RAB6A: variants seen among roughly 807,000 people sequenced by gnomAD.
The protein encoded by RAB6A is RAB6A, member RAS oncogene family.
In RAB6A, 8 loss-of-function variants were observed where a neutral mutation model predicts 32.3. That is an observed-to-expected ratio of 0.25 (90% CI 0.15 to 0.45). The LOEUF is 0.45. RAB6A is among the 20% of genes least tolerant of loss of function. The pLI, the probability that RAB6A is intolerant of heterozygous loss-of-function variation, is 1.00. For missense variants in RAB6A, 104 were observed against 249.4 expected (o/e 0.42, Z 3.93); for synonymous variants, 73 against 82.1 (o/e 0.89, Z 0.60).
chr11:73,736,731 A>G (rs1240989309), intron 1 of RAB6A, among the ~76,000 whole-genome samples: 4 of 146,474 alleles, frequency 2.7e-5, no homozygotes, highest in Non-Finnish European at 4.5e-5. Context: ...GGCAAAGGTT[A>G]CAGTGAGCCA....
chr11:73,744,511 C>CAAAAAAAAA (rs555388622), intron 1 of RAB6A, among the ~76,000 whole-genome samples: 11 of 63,748 alleles, frequency 1.7e-4, no homozygotes, highest in African/African-American at 7.3e-4. Flanking sequence ...ACCCTGTCTC[C>CAAAAAAAAA]AAAAAAAAAA....
chr11:73,729,130 ACT>A (rs1946267531), intron 2 of RAB6A, among the ~76,000 whole-genome samples: 1 of 151,906 alleles, frequency 6.6e-6, no homozygotes, highest in African/African-American at 2.4e-5. Flanking sequence ...ATGGAGTCTC[ACT>A]CTGTCACCCA....
intron 6 of RAB6A, among the ~76,000 whole-genome samples, chr11:73,692,076 C>A (rs1945575511): frequency 6.6e-6 from 1 of 152,138 alleles, no homozygotes; most frequent in South Asian, 2.1e-4. Context: ...CAGATTAATT[C>A]TTTGGGTATA....
rs534365346 is a variant in RAB6A at position 73,738,917 on chromosome 11, T to C, written c.71-8094A>G. On this transcript the variant is annotated intron_variant, in intron 1 of 7. Transcript: ENST00000336083. ...CAAGACTGCGCCACTGCACTCCAGC[T>C]TGGGCAACAGAGTGAGACTCCTGTC... is the stretch of plus-strand genomic sequence containing the variant. Among the ~76,000 whole-genome samples the C allele has an allele frequency of 1.3e-4, 19 of 151,418 alleles. No individual in the cohort carries two copies. In the South Asian group the frequency reaches 3.8e-3, roughly 30 times the overall value.
chr11:73,732,353 G>A (rs761686177), intron 1 of RAB6A, among the ~76,000 whole-genome samples: 15 of 152,008 alleles, frequency 9.9e-5, no homozygotes, highest in Admixed American at 2.6e-4. Context: ...TTGGGAGGCC[G>A]AGGCGGGCGG....
Position 73,677,803 on chromosome 11 carries a change from A to G in RAB6A, c.*95T>C. Reference sequence around the variant, plus strand: ...ATTGCAATACGTTATTACTGAAGGGAAAAGGTTCAAGCCAATATTCACACT... The same window carrying G: ...ATTGCAATACGTTATTACTGAAGGGGAAAGGTTCAAGCCAATATTCACACT... On this transcript the variant is annotated 3_prime_UTR_variant, in exon 8 of 8. Coordinates refer to ENST00000336083, the MANE Select transcript of RAB6A (RefSeq NM_198896.2). 1 of 1,593,776 alleles carries G rather than the reference A, an allele frequency of 6.3e-7. No homozygotes were observed. The highest frequency in any genetic ancestry group is 8.6e-7 in the Non-Finnish European group (1 of 1,163,774).
chr11:73,750,488 T>TCCA (rs1946656447), intron 1 of RAB6A, among the ~76,000 whole-genome samples: 1 of 152,104 alleles, frequency 6.6e-6, no homozygotes, highest in Admixed American at 6.6e-5. Context: ...CCAGGGCAGC[T>TCCA]GGGATTATAG....
At chr11:73,679,784 T>A in intron 6 of RAB6A, 64 bp from the exon 7 acceptor site, 1 of 1,594,830 alleles carries the variant, frequency 6.3e-7, no homozygotes, top group Non-Finnish European at 8.6e-7. Flanking sequence ...CTGAGGTTTA[T>A]GATCACTGTA....
chr11:73,741,230 G>A (rs146729174), intron 1 of RAB6A, among the ~76,000 whole-genome samples: 9,161 of 150,106 alleles, frequency 0.061, 377 homozygotes, highest in East Asian at 0.18. Flanking sequence ...TCCACCTCCC[G>A]GGTTCACGCC....
chr11:73,714,209 A>AAAAAATATAT (rs35864471), intron 5 of RAB6A, among the ~76,000 whole-genome samples: 12 of 57,574 alleles, frequency 2.1e-4, no homozygotes, highest in Non-Finnish European at 3.4e-4. Context: ...AAAAAAAAAA[A>AAAAAATATAT]ATATATATAT....
intron 7 of RAB6A, among the ~76,000 whole-genome samples, chr11:73,678,705 ATGTTT>A (rs1945305496): frequency 6.9e-6 from 1 of 144,746 alleles, no homozygotes; most frequent in Admixed American, 6.9e-5. Context: ...GAAACATATT[ATGTTT>A]TATGTTGTTG....
intron 5 of RAB6A, among the ~76,000 whole-genome samples, chr11:73,709,838 T>C (rs1371777511): frequency 1.6e-5 from 1 of 63,286 alleles, no homozygotes; most frequent in Non-Finnish European, 3.3e-5. Context: ...TATACATATA[T>C]ACACATATAT....
intron 6 of RAB6A, among the ~76,000 whole-genome samples, chr11:73,699,419 A>G (rs1312324902): frequency 6.6e-6 from 1 of 152,026 alleles, no homozygotes; most frequent in Non-Finnish European, 1.5e-5. Flanking sequence ...CAGACACTCA[A>G]CCAGAGCTAG....
chr11:73,754,366 A>G (rs1946713796), intron 1 of RAB6A, among the ~76,000 whole-genome samples: 1 of 152,238 alleles, frequency 6.6e-6, no homozygotes, highest in African/African-American at 2.4e-5. Flanking sequence ...GGAGGTCCAC[A>G]AACTCCTGGA....
intron 2 of RAB6A, among the ~76,000 whole-genome samples, chr11:73,723,702 A>G (rs1172454097): frequency 6.6e-6 from 1 of 152,230 alleles, no homozygotes; most frequent in Non-Finnish European, 1.5e-5. Flanking sequence ...AAGAATAAAA[A>G]GCAGACAAGA....
At chr11:73,736,813 A>AAAG (rs199665433) in intron 1 of RAB6A, among the ~76,000 whole-genome samples, 2,343 of 140,306 alleles carry the variant, frequency 0.017, 80 homozygotes, top group African/African-American at 0.06. Flanking sequence ...AAAAAAGAAA[A>AAAG]AAAAAAAAAA....
chr11:73,709,135 T>C (rs1258719470), intron 5 of RAB6A, among the ~76,000 whole-genome samples: 1 of 152,100 alleles, frequency 6.6e-6, no homozygotes, highest in Non-Finnish European at 1.5e-5. Flanking sequence ...GACATTCTCT[T>C]ATATAACCAC....
intron 6 of RAB6A, among the ~76,000 whole-genome samples, chr11:73,688,870 C>T (rs955457349): frequency 6.6e-6 from 1 of 152,182 alleles, no homozygotes; most frequent in African/African-American, 2.4e-5. Flanking sequence ...GTGGCTCACT[C>T]TTGTAATCCC....
intron 1 of RAB6A, among the ~76,000 whole-genome samples, chr11:73,745,973 C>T (rs932663951): frequency 2.6e-5 from 4 of 151,708 alleles, no homozygotes; most frequent in African/African-American, 7.3e-5. Flanking sequence ...GCACTCCAGC[C>T]TGGGCAAGAG....
Sources: allele counts gnomAD v4.1 joint callset (sites outside exome capture counted in the v4.1 genomes callset), GRCh38; gene constraint gnomAD v4.1.1; transcripts MANE v1.5; gene names NCBI Gene and HGNC (gene_info 2026-07-23, HGNC 2026-07-21).